PDCD6: variants seen among roughly 807,000 people sequenced by gnomAD.
PDCD6 encodes programmed cell death protein 6.
PDCD6 carries 12 observed loss-of-function variants against 28.3 expected under a neutral mutation model. The observed-to-expected ratio is 0.42, with a 90% CI of 0.27 to 0.69. The LOEUF (loss-of-function observed/expected upper bound fraction) is 0.69, where lower values mean the gene tolerates loss of function less well. PDCD6 is among the 30% of genes least tolerant of loss of function. The pLI is 0.22. For missense variants in PDCD6, 226 were observed against 269.9 expected (o/e 0.84, Z 1.14); for synonymous variants, 92 against 108.0 (o/e 0.85, Z 0.92).
rs376004301 is a variant in PDCD6, at chr5:313,795, C to A, written c.478-622C>A. The A allele has an allele frequency of 2.6e-3, 405 of 155,370 alleles. 1 individual carries two copies. Among genetic ancestry groups the A allele is most frequent in the African/African-American group, 9.3e-3 (386 of 41,652 alleles). 9.6% of individuals were successfully genotyped at this position (155,370 alleles called of 1,614,324 possible). On this transcript the variant is annotated intron_variant, in intron 5 of 5. Transcript: ENST00000264933. The stretch of plus-strand genomic sequence containing the variant: ...GCTCAAGCGATCCTCACGCCTCGGA[C>A]CCCCAAAGTGCTGGGATCACAGGCG...
intron 2 of PDCD6, among the ~76,000 whole-genome samples, chr5:290,774 T>C (rs1213023073): frequency 2.0e-5 from 3 of 152,262 alleles, no homozygotes; most frequent in East Asian, 1.9e-4. Context: ...GCTCCACTGC[T>C]ATGATGGTGT....
chr5:300,998 C>T (rs538152008), intron 2 of PDCD6, among the ~76,000 whole-genome samples: 2 of 152,342 alleles, frequency 1.3e-5, no homozygotes, highest in Admixed American at 6.5e-5. Flanking sequence ...TGCGCTGCGG[C>T]GTTAACATCT....
In PDCD6 at chr5:306,703, C is replaced by T. The variant is rs186610320; in HGVS notation, c.310C>T (p.Arg104Trp). Residue 104 changes from arginine (R) to tryptophan (W), a missense_variant, in exon 4 of 6, where the codon CGG becomes TGG. Arg to Trp is a moderately radical substitution (Grantham distance 101). This residue lies in a region of PDCD6 where 151 missense variants were observed against 177.2 expected (regional missense o/e 0.85). Transcript: ENST00000264933. ...GCAGAACGTCTTCCGCACGTACGAC[C>T]GGGACAACTCCGGGATGATCGATAA... ...DWQNVFRTYD[R>W]DNSGMIDKNE... The T allele has an allele frequency of 4.6e-5, 74 of 1,613,900 alleles. No individual in the cohort carries two copies. Among genetic ancestry groups the T allele is most frequent in the Non-Finnish European group, 5.8e-5 (68 of 1,180,036 alleles).
At chr5:303,478 G>T (rs564765911) in intron 2 of PDCD6, among the ~76,000 whole-genome samples, 28 of 152,008 alleles carry the variant, frequency 1.8e-4, no homozygotes, top group Middle Eastern at 3.4e-3. Context: ...TTCATTCTCA[G>T]AGTTGATAAA....
At chr5:311,228 G>T in intron 4 of PDCD6, 65 bp from the exon 5 acceptor site, 2 of 1,214,134 alleles carry the variant, frequency 1.6e-6, no homozygotes, top group Non-Finnish European at 2.4e-6. Flanking sequence ...GGCAGGAGGG[G>T]TGAGTGTTGG....
chr5:309,333 AT>A, intron 4 of PDCD6: 2 of 155,754 alleles, frequency 1.3e-5, no homozygotes, highest in South Asian at 3.8e-4. Flanking sequence ...TTGCTTCTGG[AT>A]TTTGGCTTCT....
At position 304,400 on chromosome 5, in the gene PDCD6, G is replaced by A. The variant is rs575665510; in HGVS notation, c.208+179G>A. On this transcript the variant is annotated intron_variant, in intron 3 of 5. Coordinates refer to ENST00000264933, the MANE Select transcript of PDCD6 (RefSeq NM_013232.4). ...TCTCTGTACCTTTTCACATCTCTCC[G>A]TGTATGTTTGCTCTATTCTTGATTC... 143 of 915,576 alleles carry A rather than the reference G, an allele frequency of 1.6e-4. 1 individual carries two copies. In the South Asian group the frequency reaches 2.1e-3, roughly 13 times the overall value. 56.7% of individuals were successfully genotyped at this position (915,576 alleles called of 1,614,324 possible). A position where few individuals can be genotyped will look rare whatever the true frequency, so the allele number is the denominator to read the frequency against.
chr5:284,042 G>T (rs1214567279), intron 2 of PDCD6, among the ~76,000 whole-genome samples: 1 of 151,964 alleles, frequency 6.6e-6, no homozygotes, highest in Non-Finnish European at 1.5e-5. Flanking sequence ...TATGTTGTTT[G>T]CATTGAAAGT....
In PDCD6 at chr5:281,055, G is replaced by C. The variant is rs557467522; in HGVS notation, c.163+8283G>C. Among the ~76,000 whole-genome samples, 3 of 152,390 alleles carry C rather than the reference G, an allele frequency of 2.0e-5. No homozygotes were observed. In the South Asian group the frequency reaches 6.2e-4, roughly 32 times the overall value. On this transcript the variant is annotated intron_variant, in intron 2 of 5. Coordinates refer to ENST00000264933, the MANE Select transcript of PDCD6 (RefSeq NM_013232.4). ...AGAGAGAAATAAGATCGCATCTACA[G>C]CTGTGTGGTGATTTTCTTTAAAAAT...
At chr5:284,949 C>T (rs1357673172) in intron 2 of PDCD6, among the ~76,000 whole-genome samples, 5 of 145,984 alleles carry the variant, frequency 3.4e-5, no homozygotes, top group African/African-American at 7.5e-5. Flanking sequence ...AACATCTGCT[C>T]CCCACAGTGT....
rs1187859019 is a variant in PDCD6 at position 288,279 on chromosome 5, A to T, written c.163+15507A>T. Among the ~76,000 whole-genome samples, 6 of 127,956 alleles carry T rather than the reference A, an allele frequency of 4.7e-5. No individual in the cohort carries two copies. In the East Asian group the frequency reaches 6.1e-4, roughly 13 times the overall value. 83.9% of individuals were successfully genotyped at this position (127,956 alleles called of 152,430 possible). A position where few individuals can be genotyped will look rare whatever the true frequency, so the allele number is the denominator to read the frequency against. ...AAAAATATAACATTTCCCCCCTTAA[A>T]ATAATATATATATTATATATATATA... On this transcript the variant is annotated intron_variant, in intron 2 of 5. Transcript: ENST00000264933.
At chr5:273,668 G>T (rs558672397) in intron 2 of PDCD6, among the ~76,000 whole-genome samples, 1 of 150,966 alleles carries the variant, frequency 6.6e-6, no homozygotes, top group East Asian at 1.9e-4. Flanking sequence ...ACGGCTGCTA[G>T]ACACTGCCTC....
chr5:274,127 A>G (rs1351434648), intron 2 of PDCD6, among the ~76,000 whole-genome samples: 3 of 152,332 alleles, frequency 2.0e-5, no homozygotes, highest in African/African-American at 4.8e-5. Context: ...ATATGGTCAG[A>G]TGACCATCCA....
intron 2 of PDCD6, among the ~76,000 whole-genome samples, chr5:302,105 T>TGTGTGTGTGTGTGTGC (rs1554007712): frequency 7.8e-6 from 1 of 127,872 alleles, no homozygotes; most frequent in Non-Finnish European, 1.5e-5. Flanking sequence ...TGTGTGTGTG[T>TGTGTGTGTGTGTGTGC]GTGCCTTGGG....
chr5:283,932 G>A (rs114542315), intron 2 of PDCD6, among the ~76,000 whole-genome samples: 2,162 of 152,260 alleles, frequency 0.014, 65 homozygotes, highest in African/African-American at 0.05. Context: ...GAGCCAGGGA[G>A]GAGCTGATGT....
intron 2 of PDCD6, among the ~76,000 whole-genome samples, chr5:283,697 G>T (rs1738741772): frequency 6.6e-6 from 1 of 152,056 alleles, no homozygotes; most frequent in African/African-American, 2.4e-5. Context: ...CCTCAGGGAG[G>T]AGCTGATGTT....
chr5:289,533 A>G (rs192530406), intron 2 of PDCD6: 8 of 742,184 alleles, frequency 1.1e-5, no homozygotes, highest in African/African-American at 1.0e-4. Context: ...TTTCGCTGCA[A>G]GTCGCTTGAA....
intron 4 of PDCD6, 84 bp from the exon 5 acceptor site, chr5:311,209 T>A: frequency 1.0e-6 from 1 of 985,804 alleles, no homozygotes; most frequent in Non-Finnish European, 1.6e-6. Context: ...TTAGAGGCTG[T>A]GGGCCTTGGG....
chr5:275,323 T>C (rs897184344), intron 2 of PDCD6, among the ~76,000 whole-genome samples: 13 of 152,216 alleles, frequency 8.5e-5, no homozygotes, highest in South Asian at 2.1e-4. Context: ...CCGTAGTCAC[T>C]GTTCACCCTG....
Sources: allele counts gnomAD v4.1 joint callset (sites outside exome capture counted in the v4.1 genomes callset), GRCh38; gene constraint gnomAD v4.1.1; regional missense constraint gnomAD v4.1.1; transcripts MANE v1.5; gene names NCBI Gene and HGNC (gene_info 2026-07-23, HGNC 2026-07-21).